Variants in ATG14 observed in about 807,000 individuals in gnomAD.
ATG14 encodes beclin 1-associated autophagy-related key regulator.
Under a neutral mutation model 60.4 loss-of-function variants are expected in ATG14, and 35 were observed. The observed-to-expected ratio is 0.58, with a 90% CI of 0.44 to 0.77. The LOEUF (loss-of-function observed/expected upper bound fraction) is 0.77, where lower values mean the gene tolerates loss of function less well. Among genes scored for constraint, ATG14 ranks in the 30% least tolerant of loss-of-function variants. ATG14 has a pLI of 0.00. For missense variants in ATG14, 647 were observed against 626.3 expected, an observed-to-expected ratio of 1.03 and a Z score of -0.35; for synonymous variants, 234 against 228.8, an observed-to-expected ratio of 1.02 and a Z score of -0.21.
intron 5 of ATG14, among the ~76,000 whole-genome samples, chr14:55,385,507 G>A (rs914085571): frequency 6.6e-6 from 1 of 152,174 alleles, no homozygotes; most frequent in Non-Finnish European, 1.5e-5. Context: ...TGGCCAGGTT[G>A]GTCTCAAACT....
intron 6 of ATG14, among the ~76,000 whole-genome samples, chr14:55,381,577 T>G (rs564896129): frequency 3.3e-5 from 5 of 152,340 alleles, no homozygotes; most frequent in Non-Finnish European, 7.3e-5. Flanking sequence ...TAAAAACGAA[T>G]GAAACACTAA....
At chr14:55,399,282 T>C (rs116866551) in intron 1 of ATG14, among the ~76,000 whole-genome samples, 453 of 152,352 alleles carry the variant, frequency 3.0e-3, no homozygotes, top group Non-Finnish European at 5.1e-3. Context: ...TAATTAAAAT[T>C]ATATTAAAAG....
intron 1 of ATG14, among the ~76,000 whole-genome samples, chr14:55,408,847 C>T (rs562734940): frequency 2.1e-4 from 32 of 152,290 alleles, no homozygotes; most frequent in African/African-American, 7.7e-4. Flanking sequence ...GAGTCAAAAG[C>T]CCACATTTTA....
intron 3 of ATG14, among the ~76,000 whole-genome samples, chr14:55,394,234 T>C (rs1415221395): frequency 6.6e-6 from 1 of 151,618 alleles, no homozygotes; most frequent in African/African-American, 2.4e-5. Context: ...CTCGAACTCC[T>C]GACCTTGTGA....
intron 5 of ATG14, among the ~76,000 whole-genome samples, chr14:55,383,003 T>G (rs1340564838): frequency 2.6e-5 from 4 of 152,182 alleles, no homozygotes; most frequent in Non-Finnish European, 5.9e-5. Flanking sequence ...TTTTTTAAAC[T>G]CTCTTTAATA....
chr14:55,372,038 G>A (rs956949780), intron 9 of ATG14, among the ~76,000 whole-genome samples: 10 of 151,600 alleles, frequency 6.6e-5, no homozygotes, highest in Non-Finnish European at 5.9e-5. Flanking sequence ...TCTTTTCCTT[G>A]GCAAACAGTT....
At chr14:55,409,850 T>G (rs1432600942) in intron 1 of ATG14, among the ~76,000 whole-genome samples, 1 of 152,170 alleles carries the variant, frequency 6.6e-6, no homozygotes, top group Admixed American at 6.5e-5. Context: ...TAACTGTGGC[T>G]GCAATATGGA....
intron 1 of ATG14, among the ~76,000 whole-genome samples, chr14:55,408,133 C>T (rs910032140): frequency 3.9e-5 from 6 of 152,112 alleles, no homozygotes; most frequent in African/African-American, 1.4e-4. Context: ...CTGCCATTTA[C>T]AAAATGAAAT....
At chr14:55,402,548 T>G (rs1459790884) in intron 1 of ATG14, among the ~76,000 whole-genome samples, 1 of 152,090 alleles carries the variant, frequency 6.6e-6, no homozygotes, top group Non-Finnish European at 1.5e-5. Context: ...AATGATAGTA[T>G]ATTGCCACAA....
chr14:55,411,609 G>A lies in ATG14; in HGVS notation c.214C>T (p.Arg72Trp), dbSNP rs746474554. The A allele has an allele frequency of 6.2e-6, 10 of 1,607,870 alleles. No individual in the cohort carries two copies. Among genetic ancestry groups the A allele is most frequent in the Middle Eastern group, 1.7e-4 (1 of 5,990 alleles). The stretch of plus-strand genomic sequence containing the variant: ...CCGTGGCGGCCGCCGTACCTCTCCC[G>A]GTCGCGGCCGTCGAAGTAGACGAAA... ...GDFVYFDGRDRERFIDKKERL... is the reference protein window; with the variant it reads ...GDFVYFDGRDWERFIDKKERL... Residue 72 changes from arginine to tryptophan, a missense_variant, in exon 1 of 10, where the codon CGG becomes TGG. Arg to Trp is a moderately radical substitution (Grantham distance 101). Coordinates refer to ENST00000247178, the MANE Select transcript of ATG14 (RefSeq NM_014924.5).
intron 5 of ATG14, among the ~76,000 whole-genome samples, chr14:55,382,616 G>A (rs1257535696): frequency 6.6e-6 from 1 of 152,154 alleles, no homozygotes; most frequent in Non-Finnish European, 1.5e-5. Flanking sequence ...CAGCCAAAGT[G>A]CAAATATTTC....
chr14:55,373,225 A>C (rs1884856346), intron 9 of ATG14, among the ~76,000 whole-genome samples: 1 of 152,234 alleles, frequency 6.6e-6, no homozygotes, highest in African/African-American at 2.4e-5. Flanking sequence ...TTTTTATTCA[A>C]GACCCTGAAC....
chr14:55,382,246 G>A (rs1349350570), intron 5 of ATG14, 55 bp from the exon 6 acceptor site: 48 of 1,507,310 alleles, frequency 3.2e-5, no homozygotes, highest in Non-Finnish European at 4.0e-5. Context: ...TTAAGGGCAT[G>A]CAATATAACT....
intron 6 of ATG14, 124 bp downstream of exon 6, chr14:55,381,838 G>A (rs1885038707): frequency 2.0e-5 from 15 of 744,260 alleles, no homozygotes; most frequent in Non-Finnish European, 2.9e-5. Context: ...GGTGATGGGA[G>A]CACAGTGCTG....
chr14:55,374,756 A>C lies in ATG14; in HGVS notation c.1172+3063T>G, dbSNP rs112843022. ...CCCCATATGAATACCCAACTGGCCC[A>C]ACGCTATTGAACCATTATCTGATTC... is the stretch of plus-strand genomic sequence containing the variant. On this transcript the variant is annotated intron_variant, in intron 9 of 9. Transcript: ENST00000247178. Among the ~76,000 whole-genome samples the C allele has an allele frequency of 3.2e-3, 488 of 152,330 alleles. 4 individuals carry two copies. Among genetic ancestry groups the C allele is most frequent in the African/African-American group, 0.011 (460 of 41,582 alleles).
intron 9 of ATG14, among the ~76,000 whole-genome samples, chr14:55,372,337 T>C (rs1011934002): frequency 6.6e-6 from 1 of 152,146 alleles, no homozygotes; most frequent in African/African-American, 2.4e-5. Context: ...TCTCTCCTCC[T>C]GGCACGCACC....
chr14:55,373,288 G>C (rs1884857241), intron 9 of ATG14, among the ~76,000 whole-genome samples: 1 of 151,964 alleles, frequency 6.6e-6, no homozygotes, highest in Admixed American at 6.6e-5. Context: ...ACCAATTAAG[G>C]CAACAAAAGG....
At chr14:55,389,145 T>G (rs1225373412) in intron 4 of ATG14, among the ~76,000 whole-genome samples, 5 of 152,174 alleles carry the variant, frequency 3.3e-5, no homozygotes, top group African/African-American at 7.2e-5. Context: ...TTGTGGTGGT[T>G]GTTTTTGTTT....
At chr14:55,387,265 C>T (rs141471232) in intron 4 of ATG14, among the ~76,000 whole-genome samples, 78 of 152,328 alleles carry the variant, frequency 5.1e-4, no homozygotes, top group Non-Finnish European at 8.7e-4. Context: ...GCACACCCTT[C>T]GCTCTAGCTG....
Sources: gnomAD v4.1 joint callset for allele counts (sites outside exome capture counted in the v4.1 genomes callset) on GRCh38, gnomAD v4.1.1 for gene constraint, MANE v1.5 for transcripts, NCBI Gene and HGNC (gene_info 2026-07-23, HGNC 2026-07-21) for gene names.